SPATA17: variants seen among roughly 807,000 people sequenced by gnomAD.
SPATA17 encodes spermatogenesis-associated protein 17.
Under a neutral mutation model 62.2 loss-of-function variants are expected in SPATA17, and 53 were observed. That is an observed-to-expected ratio of 0.85 (90% confidence interval 0.68 to 1.07). The LOEUF is 1.07. Ranked by LOEUF, SPATA17 falls within the 50% of genes least tolerant of loss-of-function variation. SPATA17 has a pLI of 0.00. For missense variants in SPATA17, 466 were observed against 425.5 expected, an observed-to-expected ratio of 1.10 and a Z score of -0.84; for synonymous variants, 146 against 146.8, an observed-to-expected ratio of 0.99 and a Z score of 0.04.
At chr1:217,802,609 C>G (rs1190457066) in intron 9 of SPATA17, among the ~76,000 whole-genome samples, 1 of 152,116 alleles carries the variant, frequency 6.6e-6, no homozygotes, top group Admixed American at 6.6e-5. Context: ...TTGTATCTCT[C>G]CCTGTAAGGG....
At chr1:217,806,329 A>T (rs1674434852) in intron 9 of SPATA17, among the ~76,000 whole-genome samples, 1 of 152,144 alleles carries the variant, frequency 6.6e-6, no homozygotes, top group Non-Finnish European at 1.5e-5. Context: ...CCTGCCCTAG[A>T]GGAACTGAAC....
chr1:217,794,581 T>A (rs1256967627), intron 8 of SPATA17, among the ~76,000 whole-genome samples: 1 of 152,152 alleles, frequency 6.6e-6, no homozygotes, highest in Non-Finnish European at 1.5e-5. Flanking sequence ...TGAAAAGTAA[T>A]TAAAAATGGC....
At chr1:217,726,837 A>G (rs746823921) in intron 5 of SPATA17, among the ~76,000 whole-genome samples, 4 of 151,838 alleles carry the variant, frequency 2.6e-5, no homozygotes, top group Admixed American at 6.6e-5. Context: ...AATATTGGCT[A>G]TTATTATTAT....
chr1:217,766,328 T>G (rs1377338255), intron 6 of SPATA17, among the ~76,000 whole-genome samples: 1 of 152,050 alleles, frequency 6.6e-6, no homozygotes, highest in Admixed American at 6.6e-5. Flanking sequence ...TCTACTTTCT[T>G]AGTATGTAAG....
chr1:217,707,714 A>C (rs976484376), intron 5 of SPATA17, among the ~76,000 whole-genome samples: 6 of 152,200 alleles, frequency 3.9e-5, no homozygotes, highest in Admixed American at 1.3e-4. Context: ...ATAGACATCT[A>C]TCTACAGTAC....
At chr1:217,705,525 G>C (rs1387620905) in intron 5 of SPATA17, among the ~76,000 whole-genome samples, 2 of 124,454 alleles carry the variant, frequency 1.6e-5, no homozygotes, top group East Asian at 5.3e-4. Context: ...ACTGCAACCT[G>C]TGCCTCCCAG....
intron 5 of SPATA17, among the ~76,000 whole-genome samples, chr1:217,741,330 G>C (rs1672621154): frequency 6.6e-6 from 1 of 151,934 alleles, no homozygotes. Flanking sequence ...ATAATGAAAA[G>C]TTTCATTATT....
At chr1:217,798,635 A>G (rs977451600) in intron 8 of SPATA17, among the ~76,000 whole-genome samples, 1 of 152,160 alleles carries the variant, frequency 6.6e-6, no homozygotes, top group East Asian at 1.9e-4. Flanking sequence ...CCTCAGTCTT[A>G]ATCAGCCTTT....
At chr1:217,654,049 A>C (rs540708614) in intron 3 of SPATA17, among the ~76,000 whole-genome samples, 1 of 151,922 alleles carries the variant, frequency 6.6e-6, no homozygotes, top group East Asian at 1.9e-4. Flanking sequence ...TTTTAAACAC[A>C]AGTTTTCTTT....
chr1:217,723,456 G>A (rs1215296285), intron 5 of SPATA17, among the ~76,000 whole-genome samples: 5 of 152,098 alleles, frequency 3.3e-5, no homozygotes, highest in African/African-American at 1.2e-4. Context: ...CCTATAAATA[G>A]ATTAAATCTT....
intron 5 of SPATA17, among the ~76,000 whole-genome samples, chr1:217,734,395 G>T (rs372925949): frequency 6.6e-6 from 1 of 152,072 alleles, no homozygotes; most frequent in Admixed American, 6.6e-5. Context: ...TGGAGACAGG[G>T]TCTTACTATG....
chr1:217,760,043 C>T (rs1673134337), intron 6 of SPATA17, among the ~76,000 whole-genome samples: 1 of 152,072 alleles, frequency 6.6e-6, no homozygotes, highest in Non-Finnish European at 1.5e-5. Context: ...ATACAAGCAA[C>T]CCAATAGTAC....
At chr1:217,704,337 G>A (rs1216979997) in intron 5 of SPATA17, among the ~76,000 whole-genome samples, 7 of 135,124 alleles carry the variant, frequency 5.2e-5, no homozygotes, top group African/African-American at 1.4e-4. Context: ...TGCAAGCTCC[G>A]CTTCCCGGGT....
intron 8 of SPATA17, among the ~76,000 whole-genome samples, chr1:217,793,472 G>A (rs934905386): frequency 1.6e-4 from 24 of 152,018 alleles, no homozygotes; most frequent in African/African-American, 5.1e-4. Context: ...CGCCCGCCTC[G>A]GCCTCCCAAA....
rs147732821 is a variant in SPATA17, at chr1:217,871,573, A to G, written c.*4554A>G. ...CACTTTTTCCAAGTTACAGATTTTA[A>G]TAAACCACTGTGCAAAGCATTAGGA... On this transcript the variant is annotated 3_prime_UTR_variant, in exon 11 of 11. Coordinates refer to ENST00000366933, the MANE Select transcript of SPATA17 (RefSeq NM_138796.4). 148 of 152,318 alleles carry G rather than the reference A, an allele frequency of 9.7e-4. No individual in the cohort carries two copies. Among genetic ancestry groups the G allele is most frequent in the African/African-American group, 3.2e-3 (135 of 41,586 alleles). The allele number at this position is 152,318 out of a possible 1,614,324, so 9.4% of individuals were successfully genotyped here.
rs1670502350 is a variant in SPATA17 at position 217,658,843 on chromosome 1, A to G, written c.240+7665A>G. 2.0e-5 allele frequency among the ~76,000 whole-genome samples: 3 copies of G among 152,198 alleles called. No individual in the cohort carries two copies. In the South Asian group the frequency reaches 6.2e-4, roughly 32 times the overall value. Reference sequence around the variant, plus strand: ...CTTATAGTATGCAAAATAGACCCACATAAAATATAGGCAGTGCAACTATTT... The same window carrying G: ...CTTATAGTATGCAAAATAGACCCACGTAAAATATAGGCAGTGCAACTATTT... On this transcript the variant is annotated intron_variant, in intron 3 of 10. Coordinates refer to ENST00000366933, the MANE Select transcript of SPATA17 (RefSeq NM_138796.4).
At chr1:217,637,322 G>C (rs1410036528) in intron 1 of SPATA17, among the ~76,000 whole-genome samples, 2 of 152,120 alleles carry the variant, frequency 1.3e-5, no homozygotes, top group Non-Finnish European at 2.9e-5. Flanking sequence ...AGTGACGTTT[G>C]ATCCGTTTCA....
At chr1:217,642,797 C>A (rs780274236) in intron 1 of SPATA17, among the ~76,000 whole-genome samples, 14 of 152,174 alleles carry the variant, frequency 9.2e-5, no homozygotes, top group Non-Finnish European at 1.5e-5. Context: ...CCCAGCCATG[C>A]AGAACTGTGA....
At chr1:217,782,500 T>C (rs1379073100) in intron 8 of SPATA17, among the ~76,000 whole-genome samples, 178 bp downstream of exon 8, 1 of 152,128 alleles carries the variant, frequency 6.6e-6, no homozygotes, top group Non-Finnish European at 1.5e-5. Flanking sequence ...AGGTCAGTAT[T>C]GATGGCAAAA....
Sources: allele counts gnomAD v4.1 joint callset (sites outside exome capture counted in the v4.1 genomes callset), GRCh38; gene constraint gnomAD v4.1.1; transcripts MANE v1.5; gene names NCBI Gene and HGNC (gene_info 2026-07-23, HGNC 2026-07-21).